KCTD19: variants seen among roughly 807,000 people sequenced by gnomAD.
The protein encoded by KCTD19 is BTB/POZ domain-containing protein KCTD19.
KCTD19 carries 67 observed loss-of-function variants against 103.5 expected under a neutral mutation model. That is an observed-to-expected ratio of 0.65 (90% CI 0.53 to 0.79). The LOEUF (loss-of-function observed/expected upper bound fraction) is 0.79. Among genes scored for constraint, KCTD19 ranks in the 30% least tolerant of loss-of-function variants. The pLI is 0.00. For missense variants in KCTD19, 980 were observed against 1,136.1 expected (o/e 0.86, Z 1.98); for synonymous variants, 439 against 452.2 (o/e 0.97, Z 0.37).
At position 67,297,497 on chromosome 16, in the gene KCTD19, A is replaced by G. The variant is rs773554612; in HGVS notation, c.1147+6T>C. On this transcript the variant is annotated splice_donor_region_variant and intron_variant, in intron 7 of 15. Transcript: ENST00000304372. ...TAAATTCAAACCTAGAAGCTTTCTC[A>G]CTTACTGAGCACATCCATGGGTGCC... 6.2e-7 allele frequency: 1 copy of G among 1,613,630 alleles called. No homozygotes were observed. Among genetic ancestry groups the G allele is most frequent in the East Asian group, 2.2e-5 (1 of 44,862 alleles).
rs1327763889 is a variant in KCTD19, at chr16:67,303,659, T to C, written c.452-322A>G. Among the ~76,000 whole-genome samples, 1 of 152,158 alleles carries C rather than the reference T, an allele frequency of 6.6e-6. No homozygotes were observed. The highest frequency in any genetic ancestry group is 1.5e-5 in the Non-Finnish European group (1 of 68,024). ...GTCTCTCAGATTCAACTGGTTCTCC[T>C]GCCTCAGCCTCCCAAGTAGCTGGGA... On this transcript the variant is annotated intron_variant, in intron 3 of 15. Coordinates refer to ENST00000304372, the MANE Select transcript of KCTD19 (RefSeq NM_001100915.3). The surrounding 1 kb of genome is among the most constrained non-coding windows in gnomAD (Gnocchi z 4.3).
intron 5 of KCTD19, 149 bp downstream of exon 5, chr16:67,301,642 C>A: frequency 2.6e-6 from 2 of 760,108 alleles, no homozygotes. Context: ...GGCTGTGAAT[C>A]CTCTTCTTGG....
At chr16:67,312,579 T>G (rs1182511294) in intron 2 of KCTD19, among the ~76,000 whole-genome samples, 1 of 152,202 alleles carries the variant, frequency 6.6e-6, no homozygotes, top group Non-Finnish European at 1.5e-5. Flanking sequence ...TTACCTTCAC[T>G]TGGATGGTTT....
intron 6 of KCTD19, among the ~76,000 whole-genome samples, chr16:67,298,463 C>T (rs2036794151): frequency 6.6e-6 from 1 of 152,094 alleles, no homozygotes. Flanking sequence ...AGGGCCCAGT[C>T]GCTCCCTTCT....
At chr16:67,296,044 G>C in intron 8 of KCTD19, 115 bp downstream of exon 8, 2 of 716,116 alleles carry the variant, frequency 2.8e-6, no homozygotes, top group Non-Finnish European at 5.1e-6. Flanking sequence ...TGCCTGGCGG[G>C]AAAGCCTTTG....
At position 67,320,208 on chromosome 16, in the gene KCTD19, C is replaced by T. The variant is rs2037056724; in HGVS notation, c.300+381G>A. Among the ~76,000 whole-genome samples, 4 of 152,052 alleles carry T rather than the reference C, an allele frequency of 2.6e-5. No individual in the cohort carries two copies. The South Asian group carries it at 8.3e-4, about 32-fold the overall frequency. ...AGAGGACGACTTGAGCCCAGGAGTT[C>T]AAGACCAATCTGGTCAACATGGAAA... is the stretch of plus-strand genomic sequence containing the variant. On this transcript the variant is annotated intron_variant, in intron 2 of 15. Coordinates refer to ENST00000304372, the MANE Select transcript of KCTD19 (RefSeq NM_001100915.3). The surrounding 1 kb of genome is among the most constrained non-coding windows in gnomAD (Gnocchi z 4.0).
intron 12 of KCTD19, 66 bp from the exon 13 acceptor site, chr16:67,291,903 T>G: frequency 8.8e-7 from 1 of 1,137,978 alleles, no homozygotes; most frequent in Non-Finnish European, 1.2e-6. Context: ...GATAGAGTTT[T>G]GCTTTTGTTG....
chr16:67,294,759 C>CAGATCTGCTCTTTGGCT, intron 10 of KCTD19, 65 bp from the exon 11 acceptor site: 1 of 1,193,620 alleles, frequency 8.4e-7, no homozygotes, highest in South Asian at 1.2e-5. Context: ...GCCAGTTGGT[C>CAGATCTGCTCTTTGGCT]AGATCTGCTC....
In KCTD19 at chr16:67,303,076, A is replaced by G. The variant is rs2036852050; in HGVS notation, c.643+70T>C. On this transcript the variant is annotated intron_variant, in intron 4 of 15. Coordinates refer to ENST00000304372, the MANE Select transcript of KCTD19 (RefSeq NM_001100915.3). The surrounding 1 kb of genome is among the most constrained non-coding windows in gnomAD (Gnocchi z 4.3). ...GAGCACCAAGCTGGGCCTCTGTGGG[A>G]CATGTGATGGGGAGGGGTGAATGGG... 6.8e-7 allele frequency: 1 copy of G among 1,479,708 alleles called. No individual in the cohort carries two copies. The highest frequency in any genetic ancestry group is 9.4e-7 in the Non-Finnish European group (1 of 1,067,536). 91.7% of individuals were successfully genotyped at this position (1,479,708 alleles called of 1,614,324 possible).
At chr16:67,326,654 C>T (rs1208600210) in intron 1 of KCTD19, 51 bp downstream of exon 1, 1 of 1,566,312 alleles carries the variant, frequency 6.4e-7, no homozygotes, top group Admixed American at 1.8e-5. Flanking sequence ...ACAGCGGCCC[C>T]CATTCGCCGC....
At chr16:67,302,971 C>G in intron 4 of KCTD19, 175 bp downstream of exon 4, 1 of 616,852 alleles carries the variant, frequency 1.6e-6, no homozygotes, top group Non-Finnish European at 2.8e-6. Context: ...TAGTGAGATT[C>G]TAATGCTGGA....
rs943861945 is a variant in KCTD19, at chr16:67,301,910, C to A, written c.656G>T (p.Arg219Leu). ...ATCCGGTAGTAAAATCTTCTGTGAGCGAAGAAAATTCACTTGAAAAACAAA... is the reference window on the plus strand; with the variant it reads ...ATCCGGTAGTAAAATCTTCTGTGAGAGAAGAAAATTCACTTGAAAAACAAA... Reference protein sequence around the residue: ...SEFRFIVNFLRSQKILLPDNF... With the variant: ...SEFRFIVNFLLSQKILLPDNF... Residue 219 changes from arginine (R) to leucine (L), a missense_variant, in exon 5 of 16, where the codon CGC becomes CTC. Coordinates refer to ENST00000304372, the MANE Select transcript of KCTD19 (RefSeq NM_001100915.3). The A allele has an allele frequency of 6.2e-7, 1 of 1,613,766 alleles. No homozygotes were observed. Among genetic ancestry groups the A allele is most frequent in the Non-Finnish European group, 8.5e-7 (1 of 1,179,772 alleles).
At chr16:67,313,262 C>T (rs1399660233) in intron 2 of KCTD19, among the ~76,000 whole-genome samples, 1 of 152,034 alleles carries the variant, frequency 6.6e-6, no homozygotes, top group African/African-American at 2.4e-5. Context: ...AGGCACTTGT[C>T]ATCATGCCCG....
chr16:67,295,301 G>C lies in KCTD19; in HGVS notation c.1353C>G (p.Phe451Leu). 6.2e-7 allele frequency: 1 copy of C among 1,614,186 alleles called. No homozygotes were observed. Among genetic ancestry groups the C allele is most frequent in the Non-Finnish European group, 8.5e-7 (1 of 1,180,036 alleles). Residue 451 changes from phenylalanine to leucine, a missense_variant, in exon 9 of 16, where the codon TTC (phenylalanine) becomes TTG (leucine). Phe to Leu is a conservative substitution (Grantham distance 22). Transcript: ENST00000304372. ...DGQMFRHILN[F>L]LRLGKLFLPS... is the part of the protein sequence containing the mutation. ...GTAAAAACAGTTTGCCAAGTCTCAG[G>C]AAGTTGAGAATGTGTCGGAACATCT...
Position 67,291,637 on chromosome 16 carries a change from G to C in KCTD19, c.2410+9C>G, listed in dbSNP as rs1281732159. The C allele has an allele frequency of 1.2e-5, 19 of 1,611,750 alleles. No homozygotes were observed. The highest frequency in any genetic ancestry group is 1.6e-5 in the Non-Finnish European group (19 of 1,178,430). On this transcript the variant is annotated intron_variant, in intron 13 of 15. Transcript: ENST00000304372. ...AGGCGCAGGGCTCGGCCTGGCTCCA[G>C]AGCCTCACCTTGGGGCTGGGGACTG...
chr16:67,318,557 CAA>C (rs764640736), intron 2 of KCTD19, among the ~76,000 whole-genome samples: 54 of 59,514 alleles, frequency 9.1e-4, no homozygotes, highest in Admixed American at 6.1e-3. Flanking sequence ...GACTCTATCT[CAA>C]AAAAAAAAAA....
intron 1 of KCTD19, among the ~76,000 whole-genome samples, chr16:67,325,323 GCCTCCAGCCT>G (rs2037132956): frequency 6.7e-6 from 1 of 150,032 alleles, no homozygotes; most frequent in South Asian, 2.1e-4. Context: ...TCCTGCCTCA[GCCTCCAGCCT>G]CCTCAAGTAG....
At position 67,293,430 on chromosome 16, in the gene KCTD19, G is replaced by T. The variant is rs752583700; in HGVS notation, c.2218+114C>A. 49 of 1,155,532 alleles carry T rather than the reference G, an allele frequency of 4.2e-5. No individual in the cohort carries two copies. The highest frequency in any genetic ancestry group is 5.8e-5 in the Non-Finnish European group (47 of 807,380). 71.6% of individuals were successfully genotyped at this position (1,155,532 alleles called of 1,614,324 possible). A position where few individuals can be genotyped will look rare whatever the true frequency, so the allele number is the denominator to read the frequency against. On this transcript the variant is annotated intron_variant, in intron 12 of 15. Coordinates refer to ENST00000304372, the MANE Select transcript of KCTD19 (RefSeq NM_001100915.3). This position sits in a 1 kb window ranked among gnomAD's most constrained non-coding sequence, Gnocchi z 4.0. Reference sequence around the variant, plus strand: ...TGCTGCCTGGCACAGAGATGGCATTGGTGAGCGGGGGGGTCTAGTCCTCCT... The same window carrying T: ...TGCTGCCTGGCACAGAGATGGCATTTGTGAGCGGGGGGGTCTAGTCCTCCT...
intron 6 of KCTD19, 54 bp from the exon 7 acceptor site, chr16:67,297,717 G>T: frequency 1.9e-6 from 3 of 1,557,048 alleles, no homozygotes; most frequent in South Asian, 2.3e-5. Context: ...CCCCAAGAGA[G>T]TCGAGCCTGT....
Sources: gnomAD v4.1 joint callset for allele counts (sites outside exome capture counted in the v4.1 genomes callset) on GRCh38, gnomAD v4.1.1 for gene constraint, Gnocchi (gnomAD v3.1) non-coding constraint, MANE v1.5 for transcripts, NCBI Gene and HGNC (gene_info 2026-07-23, HGNC 2026-07-21) for gene names.